KIAA1958: variants seen among roughly 807,000 people sequenced by gnomAD.
KIAA1958 encodes the protein uncharacterized protein KIAA1958.
In KIAA1958, 14 loss-of-function variants were observed where a neutral mutation model predicts 47.2. That is an observed-to-expected ratio of 0.30 (90% CI 0.20 to 0.46). The LOEUF (loss-of-function observed/expected upper bound fraction) is 0.46. KIAA1958 is among the 20% of genes least tolerant of loss of function. The pLI is 1.00. For missense variants in KIAA1958, 803 were observed against 909.2 expected (o/e 0.88, Z 1.50); for synonymous variants, 354 against 353.3 (o/e 1.00, Z -0.02).
intron 3 of KIAA1958, among the ~76,000 whole-genome samples, chr9:112,656,434 CGTT>C (rs2131251888): frequency 6.8e-6 from 1 of 147,660 alleles, no homozygotes; most frequent in Admixed American, 6.7e-5. Flanking sequence ...CACAGGCAGT[CGTT>C]GTTTTGAGAG....
intron 1 of KIAA1958, among the ~76,000 whole-genome samples, chr9:112,555,677 G>A (rs1235850112): frequency 2.0e-5 from 3 of 152,196 alleles, no homozygotes; most frequent in East Asian, 3.8e-4. Flanking sequence ...GACGCTGTGC[G>A]CTCGAATAGC....
At chr9:112,491,168 G>T (rs1380955815) in intron 1 of KIAA1958, among the ~76,000 whole-genome samples, 1 of 152,098 alleles carries the variant, frequency 6.6e-6, no homozygotes, top group Non-Finnish European at 1.5e-5. Flanking sequence ...GTCTTGCGGT[G>T]TTGCCCAGGC....
chr9:112,658,201 C>A (rs1837186601), intron 3 of KIAA1958, among the ~76,000 whole-genome samples: 1 of 152,190 alleles, frequency 6.6e-6, no homozygotes, highest in South Asian at 2.1e-4. Flanking sequence ...AAACCTGTGG[C>A]TCATTAAACC....
chr9:112,608,901 A>C (rs568293618), intron 2 of KIAA1958, among the ~76,000 whole-genome samples: 1 of 152,338 alleles, frequency 6.6e-6, no homozygotes. Flanking sequence ...GAGAGAATTT[A>C]TGATATGATG....
chr9:112,630,104 A>AG (rs1836682982), intron 2 of KIAA1958, among the ~76,000 whole-genome samples: 1 of 152,226 alleles, frequency 6.6e-6, no homozygotes, highest in Non-Finnish European at 1.5e-5. Context: ...AAGCCCTGGA[A>AG]GGGGAAGCAT....
intron 1 of KIAA1958, among the ~76,000 whole-genome samples, chr9:112,538,721 A>G (rs1020741714): frequency 3.9e-5 from 6 of 152,352 alleles, no homozygotes; most frequent in African/African-American, 1.4e-4. Flanking sequence ...GCATTTCAGT[A>G]TATCCTTAAG....
At position 112,580,261 on chromosome 9, in the gene KIAA1958, G is replaced by A. The variant is rs113925724; in HGVS notation, c.1171+5010G>A. Among the ~76,000 whole-genome samples the A allele has an allele frequency of 1.3e-4, 20 of 152,230 alleles. 2 individuals carry two copies. The highest frequency in any genetic ancestry group is 4.8e-4 in the African/African-American group (20 of 41,542). On this transcript the variant is annotated intron_variant, in intron 2 of 3. Coordinates refer to ENST00000337530, the MANE Select transcript of KIAA1958 (RefSeq NM_133465.4). ...GAGATTCCTACTACTGTTTATGGGA[G>A]GTTTGTTTTGTTTTCTTTTGAGCAT... is the stretch of plus-strand genomic sequence containing the variant.
chr9:112,630,101 GGAA>G (rs1836682922), intron 2 of KIAA1958, among the ~76,000 whole-genome samples: 1 of 152,210 alleles, frequency 6.6e-6, no homozygotes, highest in African/African-American at 2.4e-5. Flanking sequence ...GGGAAGCCCT[GGAA>G]GGGGAAGCAT....
At chr9:112,592,933 A>G (rs928362720) in intron 2 of KIAA1958, among the ~76,000 whole-genome samples, 1 of 152,228 alleles carries the variant, frequency 6.6e-6, no homozygotes, top group Admixed American at 6.5e-5. Flanking sequence ...TAAAACTGTC[A>G]AAACTATGTA....
chr9:112,522,286 T>C (rs1023168342), intron 1 of KIAA1958, among the ~76,000 whole-genome samples: 3 of 152,232 alleles, frequency 2.0e-5, no homozygotes, highest in East Asian at 1.9e-4. Context: ...AAGAACTTTT[T>C]CCTAAGAAAC....
chr9:112,502,571 G>A (rs1204169906), intron 1 of KIAA1958, among the ~76,000 whole-genome samples: 1 of 152,140 alleles, frequency 6.6e-6, no homozygotes, highest in African/African-American at 2.4e-5. Flanking sequence ...ACTTTGAAAA[G>A]CAATGTGTCA....
chr9:112,611,740 G>A (rs533309644), intron 2 of KIAA1958, among the ~76,000 whole-genome samples: 4 of 152,122 alleles, frequency 2.6e-5, no homozygotes, highest in African/African-American at 9.6e-5. Context: ...TGATTCTAAA[G>A]CTTATTTGTT....
chr9:112,606,979 G>T (rs144215819), intron 2 of KIAA1958, among the ~76,000 whole-genome samples: 58 of 152,280 alleles, frequency 3.8e-4, no homozygotes, highest in African/African-American at 1.4e-3. Context: ...AAATAAAACT[G>T]AAAGTCTTCT....
chr9:112,649,626 A>G (rs899383627), intron 3 of KIAA1958, among the ~76,000 whole-genome samples: 7 of 152,196 alleles, frequency 4.6e-5, no homozygotes, highest in Non-Finnish European at 1.0e-4. Flanking sequence ...TAAAAAAGAC[A>G]TATTATATAC....
intron 2 of KIAA1958, among the ~76,000 whole-genome samples, chr9:112,625,221 G>A (rs771583171): frequency 6.6e-6 from 1 of 152,194 alleles, no homozygotes; most frequent in South Asian, 2.1e-4. Flanking sequence ...ACTCACTGCA[G>A]TGGCACTGCA....
At chr9:112,642,629 C>G (rs1023383691) in intron 2 of KIAA1958, among the ~76,000 whole-genome samples, 2 of 152,182 alleles carry the variant, frequency 1.3e-5, no homozygotes, top group Non-Finnish European at 2.9e-5. Context: ...ACCTTAAGCT[C>G]GGGGTTTGTC....
intron 2 of KIAA1958, among the ~76,000 whole-genome samples, chr9:112,622,902 T>A (rs1836534967): frequency 6.6e-6 from 1 of 152,162 alleles, no homozygotes; most frequent in African/African-American, 2.4e-5. Context: ...TAAAGACACA[T>A]GAAATAGTCC....
chr9:112,636,096 A>G (rs1588049198), intron 2 of KIAA1958, among the ~76,000 whole-genome samples: 1 of 148,594 alleles, frequency 6.7e-6, no homozygotes, highest in East Asian at 1.9e-4. Context: ...ACCAGAAAGA[A>G]TTGTTTATTT....
intron 1 of KIAA1958, among the ~76,000 whole-genome samples, chr9:112,541,652 GA>G (rs1325798766): frequency 1.3e-5 from 2 of 151,810 alleles, no homozygotes; most frequent in Non-Finnish European, 2.9e-5. Flanking sequence ...GAAAATACAA[GA>G]AAAAATAGTT....
Sources: gnomAD v4.1 joint callset for allele counts (sites outside exome capture counted in the v4.1 genomes callset) on GRCh38, gnomAD v4.1.1 for gene constraint, MANE v1.5 for transcripts, NCBI Gene and HGNC (gene_info 2026-07-23, HGNC 2026-07-21) for gene names.